PTPRC: variants seen among roughly 807,000 people sequenced by gnomAD.
PTPRC encodes protein tyrosine phosphatase receptor type C.
Under a neutral mutation model 155.9 loss-of-function variants are expected in PTPRC, and 44 were observed. That is an observed-to-expected ratio of 0.28 (90% CI 0.22 to 0.36). PTPRC has a LOEUF of 0.36. Among genes scored for constraint, PTPRC ranks in the 10% least tolerant of loss-of-function variants. PTPRC has a pLI of 1.00. For synonymous variants in PTPRC, 525 were observed against 533.1 expected, an observed-to-expected ratio of 0.98 and a Z score of 0.21; for missense variants, 1,401 against 1,564.6, an observed-to-expected ratio of 0.90 and a Z score of 1.76.
intron 14 of PTPRC, among the ~76,000 whole-genome samples, chr1:198,718,883 T>A (rs1653736215): frequency 6.6e-6 from 1 of 152,146 alleles, no homozygotes. Context: ...ACTGTATTTT[T>A]AATATATCAC....
In PTPRC at chr1:198,677,922, C is replaced by T. The variant is rs1014118047; in HGVS notation, c.74-14425C>T. 3.3e-5 allele frequency among the ~76,000 whole-genome samples: 5 copies of T among 149,318 alleles called. No homozygotes were observed. The East Asian group carries it at 7.8e-4, about 23-fold the overall frequency. On this transcript the variant is annotated intron_variant, in intron 2 of 32. Transcript: ENST00000442510. ...ATTCCGAGGAGAATATAAAGTCCAG[C>T]TTTTTTTTTTCCACACAGGGATGTA...
chr1:198,703,536 G>C lies in PTPRC; in HGVS notation c.658+164G>C, dbSNP rs1479384912. On this transcript the variant is annotated intron_variant, in intron 7 of 32. Transcript: ENST00000442510. The stretch of plus-strand genomic sequence containing the variant: ...CAGCAGGAAGATATTTCTCTGCTTA[G>C]CAGTGCAACAGCTGATGAGATCAGG... 50 of 1,056,186 alleles carry C rather than the reference G, an allele frequency of 4.7e-5. No homozygotes were observed. The East Asian group carries it at 1.3e-3, about 27-fold the overall frequency. 65.4% of individuals were successfully genotyped at this position (1,056,186 alleles called of 1,614,324 possible).
intron 2 of PTPRC, among the ~76,000 whole-genome samples, chr1:198,683,009 CA>C (rs1388661817): frequency 2.6e-5 from 4 of 152,216 alleles, no homozygotes; most frequent in Admixed American, 1.3e-4. Flanking sequence ...TTTTTCCTTA[CA>C]GTGCAATGCA....
rs933679741 is a variant in PTPRC at position 198,755,961 on chromosome 1, G to C, written c.3701G>C (p.Gly1234Ala). The change falls in exon 33 of 33, where the codon GGA becomes GCA. Residue 1234 changes from glycine to alanine, a missense_variant. Coordinates refer to ENST00000442510, the MANE Select transcript of PTPRC (RefSeq NM_002838.5). The stretch of plus-strand genomic sequence containing the variant: ...GCCAGCACCTACCCTGCTCAGAATG[G>C]ACAAGTAAAGAAAAACAACCATCAA... ...VIASTYPAQNGQVKKNNHQED... is the reference protein window; with the variant it reads ...VIASTYPAQNAQVKKNNHQED... The C allele has an allele frequency of 3.1e-6, 5 of 1,612,772 alleles. No homozygotes were observed. The highest frequency in any genetic ancestry group is 4.2e-6 in the Non-Finnish European group (5 of 1,179,328).
intron 13 of PTPRC, 66 bp from the exon 14 acceptor site, chr1:198,718,028 A>C: frequency 7.7e-7 from 1 of 1,291,584 alleles, no homozygotes; most frequent in Non-Finnish European, 1.1e-6. Flanking sequence ...ATATCCAAGT[A>C]TTGTCAAGTA....
At chr1:198,694,472 C>T (rs1044502485) in intron 3 of PTPRC, 1 of 1,028,904 alleles carries the variant, frequency 9.7e-7, no homozygotes, top group South Asian at 4.1e-5. Context: ...CCATCAAATA[C>T]TATTATAAGG....
intron 31 of PTPRC, among the ~76,000 whole-genome samples, chr1:198,753,452 A>AAT (rs1336675924): frequency 6.6e-6 from 1 of 152,018 alleles, no homozygotes; most frequent in African/African-American, 2.4e-5. Flanking sequence ...AGAAACGAAA[A>AAT]ATAGTAAAGT....
intron 18 of PTPRC, 117 bp downstream of exon 18, chr1:198,731,843 C>G (rs1016703154): frequency 1.2e-6 from 1 of 802,266 alleles, no homozygotes; most frequent in African/African-American, 1.7e-5. Context: ...GCAACATAAG[C>G]AAAGTAGATA....
intron 11 of PTPRC, 179 bp from the exon 12 acceptor site, chr1:198,712,773 CT>C: frequency 1.5e-6 from 1 of 678,468 alleles, no homozygotes; most frequent in African/African-American, 1.8e-5. Flanking sequence ...GTGACATTTA[CT>C]TTGTTAAAGG....
chr1:198,678,009 TG>T (rs2102317293), intron 2 of PTPRC, among the ~76,000 whole-genome samples: 1 of 152,262 alleles, frequency 6.6e-6, no homozygotes, highest in African/African-American at 2.4e-5. Flanking sequence ...TAGATACATA[TG>T]AAAATTCGAA....
intron 16 of PTPRC, 146 bp downstream of exon 16, chr1:198,728,594 A>G: frequency 1.1e-6 from 1 of 913,432 alleles, no homozygotes; most frequent in East Asian, 2.8e-5. Context: ...CACAACTTTT[A>G]ATCAAAAACT....
At chr1:198,691,254 C>G (rs1410890180) in intron 2 of PTPRC, among the ~76,000 whole-genome samples, 1 of 152,048 alleles carries the variant, frequency 6.6e-6, no homozygotes, top group African/African-American at 2.4e-5. Flanking sequence ...TATTCAAATG[C>G]TATTATACAT....
At chr1:198,746,916 C>T (rs542236355) in intron 26 of PTPRC, among the ~76,000 whole-genome samples, 17 of 151,800 alleles carry the variant, frequency 1.1e-4, no homozygotes, top group Admixed American at 7.2e-4. Context: ...CACTCAATTA[C>T]GTAGCAAAGA....
intron 15 of PTPRC, among the ~76,000 whole-genome samples, chr1:198,727,257 G>T (rs919910740): frequency 2.0e-5 from 3 of 151,864 alleles, no homozygotes; most frequent in African/African-American, 4.8e-5. Context: ...GCATTTCCAC[G>T]GACTGTCTTC....
chr1:198,749,091 A>G (rs1655263158), intron 27 of PTPRC, among the ~76,000 whole-genome samples: 1 of 151,146 alleles, frequency 6.6e-6, no homozygotes, highest in Non-Finnish European at 1.5e-5. Flanking sequence ...GTAAACTTAT[A>G]TCAAGCAGAA....
chr1:198,684,964 T>C (rs12062073), intron 2 of PTPRC, among the ~76,000 whole-genome samples: 2,541 of 152,130 alleles, frequency 0.017, 65 homozygotes, highest in African/African-American at 0.058. Flanking sequence ...TTGAAATTCT[T>C]TGGACATTGG....
At chr1:198,693,922 G>C in intron 3 of PTPRC, 1 of 1,394,838 alleles carries the variant, frequency 7.2e-7, no homozygotes, top group Non-Finnish European at 9.5e-7. Flanking sequence ...GTATTAGTCT[G>C]GGTTCTCTAG....
chr1:198,639,770 C>A (rs1662470175), intron 2 of PTPRC, among the ~76,000 whole-genome samples: 4 of 151,908 alleles, frequency 2.6e-5, no homozygotes. Flanking sequence ...TGTATGTAAG[C>A]CACTCCCTCT....
chr1:198,748,001 A>C (rs1655211997), intron 26 of PTPRC, 108 bp from the exon 27 acceptor site: 1 of 1,484,318 alleles, frequency 6.7e-7, no homozygotes. Context: ...AGCATATGCA[A>C]ATTTCACAAA....
Sources: allele counts gnomAD v4.1 joint callset (sites outside exome capture counted in the v4.1 genomes callset), GRCh38; gene constraint gnomAD v4.1.1; transcripts MANE v1.5; gene names NCBI Gene and HGNC (gene_info 2026-07-23, HGNC 2026-07-21).